Variants in ADGRL3 observed in about 807,000 individuals in gnomAD.
The protein encoded by ADGRL3 is adhesion G protein-coupled receptor L3, also known as calcium-independent alpha-latrotoxin receptor 3.
In ADGRL3, 62 loss-of-function variants were observed where a neutral mutation model predicts 153.5. The ratio of observed to expected loss-of-function variants is 0.40; its 90% CI spans 0.33 to 0.50. The LOEUF (loss-of-function observed/expected upper bound fraction) is 0.50. ADGRL3 is among the 20% of genes least tolerant of loss of function. ADGRL3 has a pLI of 0.47. For synonymous variants in ADGRL3, 710 were observed against 672.5 expected (o/e 1.06, Z -0.86); for missense variants, 1,641 against 1,859.4 (o/e 0.88, Z 2.16).
At chr4:61,731,048 G>A (rs1453382927) in intron 7 of ADGRL3, among the ~76,000 whole-genome samples, 1 of 151,874 alleles carries the variant, frequency 6.6e-6, no homozygotes, top group Non-Finnish European at 1.5e-5. Context: ...AGTTACTTTA[G>A]TCATCAAGGA....
chr4:61,745,341 C>T (rs1325249840), intron 8 of ADGRL3, among the ~76,000 whole-genome samples: 2 of 151,952 alleles, frequency 1.3e-5, no homozygotes, highest in Non-Finnish European at 2.9e-5. Flanking sequence ...AACATTCAGA[C>T]TCAGGAAATA....
At position 61,978,393 on chromosome 4, in the gene ADGRL3, G is replaced by A. The variant is rs772476523; in HGVS notation, c.2806-1170G>A. Reference sequence around the variant, plus strand: ...ATCCATGTTTGTGACTTTAAATATAGTACACTGATTTTCTACTATTCTTTA... The same window carrying A: ...ATCCATGTTTGTGACTTTAAATATAATACACTGATTTTCTACTATTCTTTA... On this transcript the variant is annotated intron_variant, in intron 17 of 26. Coordinates refer to ENST00000683033, the MANE Select transcript of ADGRL3 (RefSeq NM_001387552.1). Among the ~76,000 whole-genome samples, 4 of 151,622 alleles carry A rather than the reference G, an allele frequency of 2.6e-5. No individual in the cohort carries two copies. The South Asian group carries it at 8.3e-4, about 32-fold the overall frequency.
chr4:61,497,133 G>A lies in ADGRL3; in HGVS notation c.-161G>A, dbSNP rs2098328989. 3.5e-6 allele frequency: 2 copies of A among 569,466 alleles called. No homozygotes were observed. The highest frequency in any genetic ancestry group is 6.1e-6 in the Non-Finnish European group (2 of 329,508). The allele number at this position is 569,466 out of a possible 1,614,324, so 35.3% of individuals were successfully genotyped here. ...TTCTTTTTTGCAGGTTTCAGATTTG[G>A]GATATTGGTGTTTCTGTTTTGGAGA... On this transcript the variant is annotated 5_prime_UTR_variant, in exon 3 of 27. Coordinates refer to ENST00000683033, the MANE Select transcript of ADGRL3 (RefSeq NM_001387552.1).
At position 61,383,812 on chromosome 4, in the gene ADGRL3, C is replaced by T. The variant is rs185743158; in HGVS notation, c.-174+623C>T. ...AACTTTAAGTCAATATCCATATTTA[C>T]ATCTTCCCCAGAAAATCATAGAAGG... On this transcript the variant is annotated intron_variant, in intron 2 of 26. Transcript: ENST00000683033. 9.4e-4 allele frequency among the ~76,000 whole-genome samples: 143 copies of T among 151,884 alleles called. No homozygotes were observed. The Middle Eastern group carries it at 0.017, about 18-fold the overall frequency.
At chr4:61,547,508 G>A (rs2098719356) in intron 4 of ADGRL3, among the ~76,000 whole-genome samples, 1 of 151,918 alleles carries the variant, frequency 6.6e-6, no homozygotes, top group Non-Finnish European at 1.5e-5. Context: ...GAGAGTATGT[G>A]GTATTTGGTT....
intron 4 of ADGRL3, among the ~76,000 whole-genome samples, chr4:61,580,086 C>T (rs1001935846): frequency 6.6e-6 from 1 of 152,036 alleles, no homozygotes; most frequent in Non-Finnish European, 1.5e-5. Flanking sequence ...ATAATATTTA[C>T]TTTTTGGCAG....
In ADGRL3 at chr4:61,220,968, A is replaced by G. The variant is rs148573721; in HGVS notation, c.-240+19203A>G. Reference sequence around the variant, plus strand: ...TTGCATACTTTTCATTTTAGGACAGACATAGTCTTTCTTTTTCCCCAATGC... The same window carrying G: ...TTGCATACTTTTCATTTTAGGACAGGCATAGTCTTTCTTTTTCCCCAATGC... On this transcript the variant is annotated intron_variant, in intron 1 of 26. Coordinates refer to ENST00000683033, the MANE Select transcript of ADGRL3 (RefSeq NM_001387552.1). Among the ~76,000 whole-genome samples, 138 of 152,332 alleles carry G rather than the reference A, an allele frequency of 9.1e-4. 1 individual carries two copies. Among genetic ancestry groups the G allele is most frequent in the Middle Eastern group, 6.8e-3 (2 of 294 alleles).
intron 1 of ADGRL3, among the ~76,000 whole-genome samples, chr4:61,275,246 A>C (rs1036924306): frequency 6.6e-6 from 1 of 152,184 alleles, no homozygotes; most frequent in African/African-American, 2.4e-5. Flanking sequence ...TATCAGAGTA[A>C]CTATCTTTAT....
chr4:61,408,080 G>C (rs181629994), intron 2 of ADGRL3, among the ~76,000 whole-genome samples: 1 of 152,022 alleles, frequency 6.6e-6, no homozygotes, highest in Admixed American at 6.6e-5. Flanking sequence ...GAGGGAAGAG[G>C]AAAGGAAATA....
At position 61,600,829 on chromosome 4, in the gene ADGRL3, C is replaced by A. The variant is rs151207860; in HGVS notation, c.473+13389C>A. On this transcript the variant is annotated intron_variant, in intron 5 of 26. Transcript: ENST00000683033. ...TGCCTTTAGCAATACATTAGCTTCACGTTCTAAAAAAAACATGGTATATTT... is the reference window on the plus strand; with the variant it reads ...TGCCTTTAGCAATACATTAGCTTCAAGTTCTAAAAAAAACATGGTATATTT... Among the ~76,000 whole-genome samples, 553 of 152,102 alleles carry A rather than the reference C, an allele frequency of 3.6e-3. 7 individuals are homozygous for A. Among genetic ancestry groups the A allele is most frequent in the Admixed American group, 0.031 (468 of 15,272 alleles).
At chr4:61,493,795 G>A (rs569471641) in intron 2 of ADGRL3, among the ~76,000 whole-genome samples, 1 of 152,200 alleles carries the variant, frequency 6.6e-6, no homozygotes, top group African/African-American at 2.4e-5. Flanking sequence ...CCCTTCCTTT[G>A]CACAATTAAC....
At chr4:61,664,875 C>T (rs2094729449) in intron 5 of ADGRL3, among the ~76,000 whole-genome samples, 2 of 152,108 alleles carry the variant, frequency 1.3e-5, no homozygotes, top group Admixed American at 6.5e-5. Flanking sequence ...CATCCTCTAA[C>T]CCCCATCCTC....
At chr4:61,455,588 G>A (rs1356038664) in intron 2 of ADGRL3, among the ~76,000 whole-genome samples, 1 of 151,980 alleles carries the variant, frequency 6.6e-6, no homozygotes, top group Non-Finnish European at 1.5e-5. Context: ...ATATTCATGA[G>A]TATAATATGT....
intron 17 of ADGRL3, among the ~76,000 whole-genome samples, chr4:61,958,280 A>G (rs1581634383): frequency 6.6e-6 from 1 of 152,198 alleles, no homozygotes; most frequent in African/African-American, 2.4e-5. Context: ...GTTATATGGT[A>G]TAAGACCTCT....
At chr4:61,861,815 G>C (rs775067827) in intron 9 of ADGRL3, among the ~76,000 whole-genome samples, 1 of 151,960 alleles carries the variant, frequency 6.6e-6, no homozygotes, top group African/African-American at 2.4e-5. Context: ...GGTCCTACAC[G>C]TACATGTCTA....
At position 62,063,131 on chromosome 4, in the gene ADGRL3, CT is replaced by C. The variant is rs951902173; in HGVS notation, c.3815-5027del. Among the ~76,000 whole-genome samples the C allele has an allele frequency of 4.0e-5, 6 of 151,452 alleles. No homozygotes were observed. In the East Asian group the frequency reaches 5.8e-4, roughly 15 times the overall value. ...TTTGCTTTTTTGTGTGTGTTTTAAA[CT>C]TTTTTTTGGCTTTTGTTTTGTGTTT... On this transcript the variant is annotated intron_variant, in intron 25 of 26. Transcript: ENST00000683033.
intron 9 of ADGRL3, among the ~76,000 whole-genome samples, chr4:61,865,796 G>A (rs938376976): frequency 6.6e-6 from 1 of 152,184 alleles, no homozygotes; most frequent in Non-Finnish European, 1.5e-5. Flanking sequence ...GAGGGAGAGG[G>A]GAGCATAAGT....
At chr4:61,925,203 G>A (rs1461915658) in intron 13 of ADGRL3, among the ~76,000 whole-genome samples, 1 of 152,000 alleles carries the variant, frequency 6.6e-6, no homozygotes, top group Non-Finnish European at 1.5e-5. Flanking sequence ...ATACTTTCAC[G>A]ATTATTTTTG....
At chr4:61,249,184 G>C (rs1339887209) in intron 1 of ADGRL3, among the ~76,000 whole-genome samples, 2 of 152,104 alleles carry the variant, frequency 1.3e-5, no homozygotes, top group East Asian at 3.9e-4. Context: ...GGACTGTTAG[G>C]AATAAATGGA....
Sources: gnomAD v4.1 joint callset for allele counts (sites outside exome capture counted in the v4.1 genomes callset) on GRCh38, gnomAD v4.1.1 for gene constraint, MANE v1.5 for transcripts, NCBI Gene and HGNC (gene_info 2026-07-23, HGNC 2026-07-21) for gene names.